The following HMOX2 variants were observed in gnomAD, a reference collection of about 807,000 sequenced individuals.
HMOX2 encodes heme oxygenase (decycling) 2.
HMOX2 carries 30 observed loss-of-function variants against 33.7 expected under a neutral mutation model. The observed-to-expected ratio is 0.89, with a 90% CI of 0.67 to 1.21. HMOX2 has a LOEUF of 1.21. Among genes scored for constraint, HMOX2 ranks in the 50% most tolerant of loss-of-function variants. HMOX2 has a pLI of 0.00. For missense variants in HMOX2, 403 were observed against 399.1 expected (o/e 1.01, Z -0.08); for synonymous variants, 155 against 155.0 (o/e 1.00, Z 0.00).
chr16:4,498,174 C>T (rs1302966805), intron 1 of HMOX2, among the ~76,000 whole-genome samples: 1 of 149,262 alleles, frequency 6.7e-6, no homozygotes, highest in Non-Finnish European at 1.5e-5. Context: ...CAGAAATTCT[C>T]GTGCCTCAGC....
rs1406134254 is a variant in HMOX2, at chr16:4,479,742, T to A, written c.-42+3255T>A. Among the ~76,000 whole-genome samples the A allele has an allele frequency of 9.1e-5, 12 of 131,382 alleles. 1 individual carries two copies. The East Asian group carries it at 1.9e-3, about 21-fold the overall frequency. 86.2% of individuals were successfully genotyped at this position (131,382 alleles called of 152,430 possible). On this transcript the variant is annotated intron_variant, in intron 1 of 5. Coordinates refer to ENST00000570646, the MANE Select transcript of HMOX2 (RefSeq NM_002134.4). ...TCTTATTCTATTTTTTTTTTTTTTTTTTTTTTTTTTTTTTTTGAGACAGTC... is the reference window on the plus strand; with the variant it reads ...TCTTATTCTATTTTTTTTTTTTTTTATTTTTTTTTTTTTTTTGAGACAGTC...
upstream of HMOX2, among the ~76,000 whole-genome samples, chr16:4,475,651 A>C (rs145392634): frequency 6.6e-6 from 1 of 152,076 alleles, no homozygotes; most frequent in Non-Finnish European, 1.5e-5. Context: ...TAAAACTAAA[A>C]AATGACTCTG....
intron 1 of HMOX2, among the ~76,000 whole-genome samples, chr16:4,476,963 A>C (rs973646047): frequency 3.3e-5 from 5 of 152,062 alleles, no homozygotes; most frequent in African/African-American, 1.2e-4. Flanking sequence ...CCCTTCCTCT[A>C]ATGCCCTTAT....
intron 1 of HMOX2, among the ~76,000 whole-genome samples, chr16:4,497,648 G>A: frequency 6.6e-6 from 1 of 152,132 alleles, no homozygotes; most frequent in East Asian, 1.9e-4. Flanking sequence ...TGTCTTCACT[G>A]CTTGCTCAGT....
intron 1 of HMOX2, among the ~76,000 whole-genome samples, chr16:4,477,017 G>C (rs1343998806): frequency 6.6e-6 from 1 of 152,218 alleles, no homozygotes; most frequent in East Asian, 1.9e-4. Context: ...GACTTCACGA[G>C]TGAACCCTGG....
At chr16:4,481,453 A>G (rs1381373255) in intron 1 of HMOX2, among the ~76,000 whole-genome samples, 2 of 152,124 alleles carry the variant, frequency 1.3e-5, no homozygotes, top group Admixed American at 6.6e-5. Flanking sequence ...AGCTGTGATG[A>G]TCATAATTTT....
intron 1 of HMOX2, among the ~76,000 whole-genome samples, chr16:4,491,860 T>A (rs1048676681): frequency 1.3e-5 from 2 of 151,922 alleles, no homozygotes; most frequent in Non-Finnish European, 2.9e-5. Flanking sequence ...GTTTTTGTAT[T>A]TTTAGTAGAC....
chr16:4,499,331 C>G (rs1270595381), intron 1 of HMOX2, among the ~76,000 whole-genome samples: 1 of 152,160 alleles, frequency 6.6e-6, no homozygotes, highest in Non-Finnish European at 1.5e-5. Context: ...CAACCATAAA[C>G]AAGAAGGAAA....
At chr16:4,489,340 C>A (rs756176338) in intron 1 of HMOX2, among the ~76,000 whole-genome samples, 1 of 152,152 alleles carries the variant, frequency 6.6e-6, no homozygotes, top group Non-Finnish European at 1.5e-5. Flanking sequence ...TCCCTTCCTC[C>A]CTTACTTTCT....
intron 1 of HMOX2, among the ~76,000 whole-genome samples, chr16:4,477,711 G>A (rs1476626782): frequency 6.6e-6 from 1 of 151,770 alleles, no homozygotes; most frequent in East Asian, 1.9e-4. Context: ...CTGAGGTCAG[G>A]AGTTCGAGAT....
chr16:4,482,359 T>G (rs1242812200), intron 1 of HMOX2, among the ~76,000 whole-genome samples: 3 of 152,168 alleles, frequency 2.0e-5, no homozygotes, highest in Admixed American at 2.0e-4. Flanking sequence ...AAACCCAAAG[T>G]CTTTTTTCTA....
In HMOX2 at chr16:4,510,308, T is replaced by C. The variant is rs1052366178; in HGVS notation, c.*552T>C. On this transcript the variant is annotated 3_prime_UTR_variant, in exon 6 of 6. Coordinates refer to ENST00000570646, the MANE Select transcript of HMOX2 (RefSeq NM_002134.4). Reference sequence around the variant, plus strand: ...AGCTTATCTCCTCCTCCGCGCTGTGTAAATGCTCCAGCACTCAATAAAGTG... The same window carrying C: ...AGCTTATCTCCTCCTCCGCGCTGTGCAAATGCTCCAGCACTCAATAAAGTG... 6.3e-6 allele frequency: 1 copy of C among 157,658 alleles called. No individual in the cohort carries two copies. Among genetic ancestry groups the C allele is most frequent in the Non-Finnish European group, 1.4e-5 (1 of 71,574 alleles). 9.8% of individuals were successfully genotyped at this position (157,658 alleles called of 1,614,324 possible).
At chr16:4,507,049 G>T in intron 3 of HMOX2, 37 bp downstream of exon 3, 1 of 1,347,974 alleles carries the variant, frequency 7.4e-7, no homozygotes. Flanking sequence ...CTGTCATATG[G>T]GGTTGGGGTG....
chr16:4,484,127 A>G (rs1161338165), intron 1 of HMOX2, among the ~76,000 whole-genome samples: 1 of 151,366 alleles, frequency 6.6e-6, no homozygotes, highest in African/African-American at 2.4e-5. Flanking sequence ...GGCTCCCGCC[A>G]CCATGCCCGG....
At chr16:4,499,228 A>G (rs550654654) in intron 1 of HMOX2, among the ~76,000 whole-genome samples, 5 of 152,186 alleles carry the variant, frequency 3.3e-5, no homozygotes, top group Non-Finnish European at 7.3e-5. Flanking sequence ...ATTTTGTCAA[A>G]CATTCATGCG....
upstream of HMOX2, chr16:4,476,109 C>T (rs968254878): frequency 6.6e-6 from 1 of 152,340 alleles, no homozygotes; most frequent in African/African-American, 2.4e-5. Context: ...AACCCTATTT[C>T]TTACATCACT....
upstream of HMOX2, chr16:4,475,915 G>C (rs2057812402): frequency 1.3e-5 from 2 of 152,198 alleles, no homozygotes; most frequent in Admixed American, 1.3e-4. Context: ...CTCCAGCCTG[G>C]GCGACGAGCA....
intron 1 of HMOX2, among the ~76,000 whole-genome samples, chr16:4,490,615 C>A (rs1189210384): frequency 6.6e-6 from 1 of 152,120 alleles, no homozygotes; most frequent in Non-Finnish European, 1.5e-5. Flanking sequence ...CAAATACATA[C>A]AAAAAAGGTC....
At chr16:4,490,868 C>T (rs1418608388) in intron 1 of HMOX2, among the ~76,000 whole-genome samples, 2 of 152,118 alleles carry the variant, frequency 1.3e-5, no homozygotes, top group Non-Finnish European at 2.9e-5. Flanking sequence ...GGTTTCTCAG[C>T]GTTAGTGCTG....
Sources: allele counts gnomAD v4.1 joint callset (sites outside exome capture counted in the v4.1 genomes callset), GRCh38; gene constraint gnomAD v4.1.1; transcripts MANE v1.5; gene names NCBI Gene and HGNC (gene_info 2026-07-23, HGNC 2026-07-21).